PRKN: variants seen among roughly 807,000 people sequenced by gnomAD.
The protein encoded by PRKN is parkin RBR E3 ubiquitin protein ligase.
PRKN carries 56 observed loss-of-function variants against 59.5 expected under a neutral mutation model. The ratio of observed to expected loss-of-function variants is 0.94; its 90% CI spans 0.76 to 1.18. PRKN has a LOEUF of 1.18. Among genes scored for constraint, PRKN ranks in the 50% most tolerant of loss-of-function variants. The probability of loss-of-function intolerance (pLI) is 0.00; values close to 1 mark genes in which losing one functional copy is unlikely to be tolerated. For synonymous variants in PRKN, 250 were observed against 222.1 expected (o/e 1.13, Z -1.12); for missense variants, 657 against 596.4 (o/e 1.10, Z -1.06).
intron 1 of PRKN, among the ~76,000 whole-genome samples, chr6:162,604,427 A>G (rs1286522128): frequency 6.6e-6 from 1 of 152,180 alleles, no homozygotes; most frequent in Non-Finnish European, 1.5e-5. Flanking sequence ...GACAGCATGA[A>G]GCACAGAATA....
intron 1 of PRKN, among the ~76,000 whole-genome samples, chr6:162,537,596 T>C (rs919851046): frequency 6.6e-6 from 1 of 152,210 alleles, no homozygotes; most frequent in Non-Finnish European, 1.5e-5. Context: ...GGGATCTCCC[T>C]GTCTCTGTAC....
intron 4 of PRKN, among the ~76,000 whole-genome samples, chr6:162,183,940 C>G (rs944614096): frequency 1.3e-5 from 2 of 152,176 alleles, no homozygotes; most frequent in African/African-American, 2.4e-5. Flanking sequence ...CTAGTGCTAT[C>G]TAAGAGAATT....
At chr6:161,510,827 A>G (rs1778358076) in intron 9 of PRKN, among the ~76,000 whole-genome samples, 1 of 152,140 alleles carries the variant, frequency 6.6e-6, no homozygotes, top group Admixed American at 6.5e-5. Context: ...TTGGAAAGAG[A>G]TTGGTCTCCA....
intron 2 of PRKN, among the ~76,000 whole-genome samples, chr6:162,301,790 G>GGGC (rs1781971095): frequency 4.7e-5 from 5 of 107,092 alleles, no homozygotes; most frequent in East Asian, 5.1e-4. Context: ...GGGCGGGGGG[G>GGGC]GGGTGCAGAA....
At chr6:162,045,792 A>C (rs1039143940) in intron 5 of PRKN, among the ~76,000 whole-genome samples, 14 of 152,154 alleles carry the variant, frequency 9.2e-5, no homozygotes, top group Admixed American at 6.5e-5. Flanking sequence ...AGCAGGCCTC[A>C]ATCTCTTGGC....
chr6:162,620,864 T>A (rs1425405942), intron 1 of PRKN, among the ~76,000 whole-genome samples: 1 of 152,232 alleles, frequency 6.6e-6, no homozygotes, highest in African/African-American at 2.4e-5. Flanking sequence ...ATATATTTTT[T>A]ACCAATCTTT....
chr6:161,917,785 C>T (rs1778626310), intron 6 of PRKN, among the ~76,000 whole-genome samples: 1 of 152,214 alleles, frequency 6.6e-6, no homozygotes, highest in South Asian at 2.1e-4. Flanking sequence ...CAATTTGCCT[C>T]CTGCTGCACA....
chr6:161,864,027 G>A (rs556201071), intron 6 of PRKN, among the ~76,000 whole-genome samples: 4 of 152,242 alleles, frequency 2.6e-5, no homozygotes, highest in South Asian at 2.1e-4. Flanking sequence ...TTGCCTCAAC[G>A]CTGATGGCTG....
At chr6:162,550,800 A>G (rs189344221) in intron 1 of PRKN, among the ~76,000 whole-genome samples, 2 of 152,344 alleles carry the variant, frequency 1.3e-5, no homozygotes, top group Admixed American at 6.5e-5. Context: ...TCTGGAAACT[A>G]GAAACACTTC....
chr6:161,435,002 G>A (rs746712531), intron 9 of PRKN, among the ~76,000 whole-genome samples: 7 of 152,252 alleles, frequency 4.6e-5, no homozygotes, highest in East Asian at 3.9e-4. Flanking sequence ...GCCTTTGCCC[G>A]GCATGATCTT....
intron 7 of PRKN, among the ~76,000 whole-genome samples, chr6:161,633,424 G>A (rs924069026): frequency 2.6e-5 from 4 of 152,152 alleles, no homozygotes; most frequent in African/African-American, 7.2e-5. Context: ...TAAGACATCC[G>A]TTAAAAGTCA....
chr6:162,218,901 T>C (rs1387399285), intron 3 of PRKN, among the ~76,000 whole-genome samples: 1 of 152,122 alleles, frequency 6.6e-6, no homozygotes, highest in Non-Finnish European at 1.5e-5. Flanking sequence ...CACCTCGGCA[T>C]GGTGGCTCAC....
At chr6:161,382,146 C>CAAAA (rs1786021778) in intron 10 of PRKN, among the ~76,000 whole-genome samples, 1 of 116,784 alleles carries the variant, frequency 8.6e-6, no homozygotes, top group Non-Finnish European at 2.0e-5. Flanking sequence ...AAAACAAAAA[C>CAAAA]AAACAAACAA....
At chr6:162,614,935 A>C (rs1024422742) in intron 1 of PRKN, among the ~76,000 whole-genome samples, 5 of 152,228 alleles carry the variant, frequency 3.3e-5, no homozygotes, top group African/African-American at 1.2e-4. Context: ...TGCATTGAGA[A>C]TAGAACACAC....
chr6:162,235,965 GAAAGA>G (rs1562602335), intron 3 of PRKN, among the ~76,000 whole-genome samples: 1 of 93,608 alleles, frequency 1.1e-5, no homozygotes, highest in Non-Finnish European at 2.0e-5. Flanking sequence ...AAGGAAGAAA[GAAAGA>G]AAGAAAGAAA....
At position 161,454,252 on chromosome 6, in the gene PRKN, G is replaced by A. The variant is rs941447981; in HGVS notation, c.1084-67375C>T. ...GTGGCATTAGCACTGACGGCACATA[G>A]CCTGTGTCTTTTGAGCTCACTTTCC... On this transcript the variant is annotated intron_variant, in intron 9 of 11. Transcript: ENST00000366898. The surrounding 1 kb of genome is among the most constrained non-coding windows in gnomAD (Gnocchi z 4.6). 6.6e-6 allele frequency among the ~76,000 whole-genome samples: 1 copy of A among 152,142 alleles called. No homozygotes were observed. The highest frequency in any genetic ancestry group is 1.5e-5 in the Non-Finnish European group (1 of 68,030).
intron 2 of PRKN, among the ~76,000 whole-genome samples, chr6:162,357,627 C>T (rs1191372202): frequency 6.6e-6 from 1 of 152,192 alleles, no homozygotes; most frequent in Non-Finnish European, 1.5e-5. Flanking sequence ...CCAGCAATCA[C>T]ACTTTATTCA....
chr6:161,663,629 G>A (rs888135115), intron 7 of PRKN, among the ~76,000 whole-genome samples: 3 of 152,146 alleles, frequency 2.0e-5, no homozygotes, highest in East Asian at 1.9e-4. Context: ...GTCTCCAGAT[G>A]AGTCAGAAAT....
chr6:161,647,031 T>C lies in PRKN; in HGVS notation c.872-77615A>G, dbSNP rs111807119. On this transcript the variant is annotated intron_variant, in intron 7 of 11. Coordinates refer to ENST00000366898, the MANE Select transcript of PRKN (RefSeq NM_004562.3). The stretch of plus-strand genomic sequence containing the variant: ...GGCAATCAAGTGGAAATATGAGACA[T>C]TGAATGTTGATATTTTTCTCTCTGA... 9.6e-3 allele frequency among the ~76,000 whole-genome samples: 1,462 copies of C among 152,248 alleles called. 15 individuals are homozygous for C. The highest frequency in any genetic ancestry group is 0.015 in the Non-Finnish European group (1,004 of 68,014).
Sources: gnomAD v4.1 joint callset for allele counts (sites outside exome capture counted in the v4.1 genomes callset) on GRCh38, gnomAD v4.1.1 for gene constraint, Gnocchi (gnomAD v3.1) non-coding constraint, MANE v1.5 for transcripts, NCBI Gene and HGNC (gene_info 2026-07-23, HGNC 2026-07-21) for gene names.